The following AHI1 variants were observed in gnomAD, a reference collection of about 807,000 sequenced individuals.
AHI1 encodes the protein Abelson helper integration site 1.
In AHI1, 123 loss-of-function variants were observed where a neutral mutation model predicts 149.3. That is an observed-to-expected ratio of 0.82 (90% CI 0.71 to 0.96). The LOEUF is 0.96. Among genes scored for constraint, AHI1 ranks in the 40% least tolerant of loss-of-function variants. The pLI is 0.00. For missense variants in AHI1, 1,439 were observed against 1,422.7 expected, an observed-to-expected ratio of 1.01 and a Z score of -0.18; for synonymous variants, 475 against 459.8, an observed-to-expected ratio of 1.03 and a Z score of -0.42.
intron 24 of AHI1, among the ~76,000 whole-genome samples, chr6:135,328,036 A>AACTTGAAG (rs1356388124): frequency 1.4e-4 from 21 of 152,174 alleles, no homozygotes; most frequent in Non-Finnish European, 4.4e-5. Context: ...TGGGAACCCC[A>AACTTGAAG]ACTTGAAGCC....
intron 2 of AHI1, among the ~76,000 whole-genome samples, chr6:135,496,151 C>G (rs1795936742): frequency 6.6e-6 from 1 of 151,740 alleles, no homozygotes; most frequent in African/African-American, 2.4e-5. Context: ...GAGTCTCGCT[C>G]TGTTGCCCAG....
chr6:135,373,062 G>C (rs1020110768), intron 23 of AHI1, among the ~76,000 whole-genome samples: 3 of 152,306 alleles, frequency 2.0e-5, no homozygotes, highest in South Asian at 4.1e-4. Flanking sequence ...CAGAATGCCT[G>C]AGTTAACGTA....
chr6:135,442,770 AG>A (rs1462401224), intron 13 of AHI1, 56 bp from the exon 14 acceptor site: 2 of 1,480,400 alleles, frequency 1.4e-6, no homozygotes, highest in Non-Finnish European at 1.8e-6. Context: ...CGCGAAGGCT[AG>A]TTTTTAATTT....
At chr6:135,432,996 A>G in intron 16 of AHI1, 31 bp downstream of exon 16, 1 of 1,534,226 alleles carries the variant, frequency 6.5e-7, no homozygotes. Context: ...TTCTTCACAT[A>G]GCTGGTCTTC....
rs1221266214 is a variant in AHI1 at position 135,323,253 on chromosome 6, T to C, written c.3237A>G (p.Arg1079=). Residue 1079 remains arginine, a synonymous_variant, in exon 25 of 29, where the codon CGA becomes CGG. Coordinates refer to ENST00000265602, the MANE Select transcript of AHI1 (RefSeq NM_001134831.2). ...AGTCTTCATTATCTTTGAAAAACAC[T>C]CGGATAATGTCTCCGCGATGGATGG... ...ELTIHRGDII[R]VFFKDNEDWW... 6.2e-7 allele frequency: 1 copy of C among 1,613,750 alleles called. No individual in the cohort carries two copies. Among genetic ancestry groups the C allele is most frequent in the African/African-American group, 1.3e-5 (1 of 74,916 alleles).
At chr6:135,405,626 C>G (rs1197796442) in intron 21 of AHI1, among the ~76,000 whole-genome samples, 1 of 151,792 alleles carries the variant, frequency 6.6e-6, no homozygotes, top group Non-Finnish European at 1.5e-5. Context: ...TTTGGGAGGC[C>G]GAGGCAGGCA....
chr6:135,384,206 T>C (rs756124034), intron 23 of AHI1, among the ~76,000 whole-genome samples: 15 of 152,218 alleles, frequency 9.9e-5, no homozygotes, highest in Admixed American at 2.0e-4. Flanking sequence ...TCTAAGAACA[T>C]AGTGCTTTCC....
intron 15 of AHI1, among the ~76,000 whole-genome samples, chr6:135,436,612 T>C (rs1411132961): frequency 6.6e-6 from 1 of 152,152 alleles, no homozygotes; most frequent in Non-Finnish European, 1.5e-5. Flanking sequence ...ATATTTCTTT[T>C]TTCTTTTTGA....
rs1179755660 is a variant in AHI1 at position 135,463,306 on chromosome 6, A to C, written c.750T>G (p.Ser250Arg). The change falls in exon 8 of 29, where the codon AGT becomes AGG. Residue 250 changes from serine to arginine, a missense_variant and splice_region_variant. Transcript: ENST00000265602. ...EVPVFSKAET[S>R]TLTISGDTVE... is the part of the protein sequence containing the mutation. ...CTGTGTCACCAGAGATGGTCAATGT[A>C]CTACAAATATAATCCAAGTATCAGC... 7.5e-6 allele frequency: 12 copies of C among 1,598,324 alleles called. No individual in the cohort carries two copies. The highest frequency in any genetic ancestry group is 9.4e-6 in the Non-Finnish European group (11 of 1,174,944).
intron 5 of AHI1, among the ~76,000 whole-genome samples, chr6:135,480,914 T>A (rs1398886870): frequency 6.6e-6 from 1 of 152,198 alleles, no homozygotes; most frequent in Non-Finnish European, 1.5e-5. Context: ...GGTTGCACGT[T>A]CCTTATGAGA....
chr6:135,394,747 A>G (rs1778985002), intron 23 of AHI1, 29 bp downstream of exon 23: 1 of 1,607,628 alleles, frequency 6.2e-7, no homozygotes, highest in Non-Finnish European at 8.5e-7. Context: ...AACATTTAAA[A>G]GAATTGTCAA....
intron 22 of AHI1, among the ~76,000 whole-genome samples, chr6:135,397,000 A>T (rs538260423): frequency 4.6e-5 from 7 of 151,636 alleles, no homozygotes; most frequent in East Asian, 3.9e-4. Context: ...TTACAACAAA[A>T]TTTTTTTTTA....
chr6:135,323,304 G>A lies in AHI1; in HGVS notation c.3186C>T (p.Tyr1062=). 1 of 1,613,566 alleles carries A rather than the reference G, an allele frequency of 6.2e-7. No individual in the cohort carries two copies. The highest frequency in any genetic ancestry group is 8.5e-7 in the Non-Finnish European group (1 of 1,179,702). The part of the protein sequence containing the change: ...TAPTVVALYD[Y]TANRSDELTI... ...TTAGTTCATCTGATCGATTCGCTGTGTAGTCATAAAGAGCCACTACCTAAG... is the reference window on the plus strand; with the variant it reads ...TTAGTTCATCTGATCGATTCGCTGTATAGTCATAAAGAGCCACTACCTAAG... The change falls in exon 25 of 29, where the codon TAC becomes TAT. Residue 1062 remains tyrosine (Y), a synonymous_variant. Coordinates refer to ENST00000265602, the MANE Select transcript of AHI1 (RefSeq NM_001134831.2).
chr6:135,375,928 C>T (rs550400261), intron 23 of AHI1, among the ~76,000 whole-genome samples: 1 of 152,054 alleles, frequency 6.6e-6, no homozygotes, highest in South Asian at 2.1e-4. Flanking sequence ...CAGAAGTGCT[C>T]AAAGGCTAAC....
At chr6:135,387,614 T>A (rs1453441943) in intron 23 of AHI1, among the ~76,000 whole-genome samples, 1 of 152,236 alleles carries the variant, frequency 6.6e-6, no homozygotes, top group East Asian at 1.9e-4. Context: ...TTTTTTGGCA[T>A]GCTTCTAAAA....
At chr6:135,469,127 C>G (rs1174561578) in intron 5 of AHI1, among the ~76,000 whole-genome samples, 1 of 152,144 alleles carries the variant, frequency 6.6e-6, no homozygotes, top group African/African-American at 2.4e-5. Flanking sequence ...TACTTGCAAC[C>G]AAATCCAGCA....
chr6:135,320,774 G>A (rs888847639), intron 25 of AHI1, among the ~76,000 whole-genome samples: 2 of 152,178 alleles, frequency 1.3e-5, no homozygotes, highest in African/African-American at 4.8e-5. Context: ...GTAATGGATT[G>A]TAATATTTCG....
At chr6:135,431,688 TG>T (rs1277734637) in intron 16 of AHI1, among the ~76,000 whole-genome samples, 1 of 152,156 alleles carries the variant, frequency 6.6e-6, no homozygotes, top group Non-Finnish European at 1.5e-5. Context: ...AAATCTGTTT[TG>T]GATTCCTAGA....
At chr6:135,296,486 A>G (rs1783109403) in intron 27 of AHI1, among the ~76,000 whole-genome samples, 1 of 152,080 alleles carries the variant, frequency 6.6e-6, no homozygotes, top group Admixed American at 6.5e-5. Flanking sequence ...ATTTTATCCA[A>G]TCTCTCCCAG....
Sources: gnomAD v4.1 joint callset for allele counts (sites outside exome capture counted in the v4.1 genomes callset) on GRCh38, gnomAD v4.1.1 for gene constraint, MANE v1.5 for transcripts, NCBI Gene and HGNC (gene_info 2026-07-23, HGNC 2026-07-21) for gene names.